ANO3: variants seen among roughly 807,000 people sequenced by gnomAD.
The protein encoded by ANO3 is anoctamin 3, also known as anoctamin-3.
Under a neutral mutation model 144.8 loss-of-function variants are expected in ANO3, and 99 were observed. The ratio of observed to expected loss-of-function variants is 0.68; its 90% CI spans 0.58 to 0.81. The LOEUF is 0.81. Ranked by LOEUF, ANO3 falls within the 30% of genes least tolerant of loss-of-function variation. The pLI, the probability that ANO3 is intolerant of heterozygous loss-of-function variation, is 0.00. For synonymous variants in ANO3, 414 were observed against 392.6 expected, an observed-to-expected ratio of 1.05 and a Z score of -0.64; for missense variants, 905 against 1,202.2, an observed-to-expected ratio of 0.75 and a Z score of 3.66.
chr11:26,388,820 A>G (rs916600582), intron 1 of ANO3, among the ~76,000 whole-genome samples: 3 of 152,162 alleles, frequency 2.0e-5, no homozygotes. Flanking sequence ...ATAAATAAAC[A>G]TATACATGTT....
intron 21 of ANO3, among the ~76,000 whole-genome samples, chr11:26,639,722 A>G (rs1853084715): frequency 6.6e-6 from 1 of 152,224 alleles, no homozygotes; most frequent in South Asian, 2.1e-4. Flanking sequence ...ATGTTAGAAC[A>G]GGGATGATTG....
intron 1 of ANO3, among the ~76,000 whole-genome samples, chr11:26,429,636 C>T (rs1858022261): frequency 6.6e-6 from 1 of 152,096 alleles, no homozygotes; most frequent in African/African-American, 2.4e-5. Flanking sequence ...GTAAAACCCA[C>T]TCTGTGCTGT....
intron 1 of ANO3, among the ~76,000 whole-genome samples, chr11:26,291,547 C>T (rs1162590952): frequency 2.0e-5 from 3 of 152,082 alleles, no homozygotes; most frequent in East Asian, 1.9e-4. Flanking sequence ...TGGCTGGTAC[C>T]GGTTGTTCCT....
At chr11:26,339,388 A>C (rs908623016) in intron 1 of ANO3, among the ~76,000 whole-genome samples, 7 of 152,114 alleles carry the variant, frequency 4.6e-5, no homozygotes, top group Non-Finnish European at 1.0e-4. Context: ...CTCCTGACCC[A>C]GGCGATCCGC....
At chr11:26,610,106 T>C (rs1179053119) in intron 17 of ANO3, among the ~76,000 whole-genome samples, 1 of 151,952 alleles carries the variant, frequency 6.6e-6, no homozygotes, top group East Asian at 1.9e-4. Context: ...AGGCGGGGTT[T>C]CTCCATGTTG....
intron 1 of ANO3, among the ~76,000 whole-genome samples, chr11:26,397,371 T>C (rs1461384): frequency 0.26 from 40,157 of 151,974 alleles, 5,948 homozygotes; most frequent in African/African-American, 0.4. Context: ...TATTTTTAGC[T>C]TGCTTTCCTC....
At chr11:26,216,662 A>C (rs1438420936) in intron 1 of ANO3, among the ~76,000 whole-genome samples, 1 of 151,970 alleles carries the variant, frequency 6.6e-6, no homozygotes, top group Non-Finnish European at 1.5e-5. Context: ...TTGTATAGTA[A>C]AATTATGCTT....
rs900007841 is a variant in ANO3, at chr11:26,369,014, A to T, written c.46+36693A>T. ...CTACAGTCATGTCATAGGCAATTTC[A>T]TTCCCCCCCAGCAGTTGACAAGGTC... On this transcript the variant is annotated intron_variant, in intron 1 of 26. Coordinates refer to ENST00000256737, the MANE Select transcript of ANO3 (RefSeq NM_031418.4). 2.0e-5 allele frequency among the ~76,000 whole-genome samples: 3 copies of T among 152,218 alleles called. No individual in the cohort carries two copies. The South Asian group carries it at 6.2e-4, about 31-fold the overall frequency.
At chr11:26,448,020 C>T (rs1444369897) in intron 3 of ANO3, among the ~76,000 whole-genome samples, 10 of 152,176 alleles carry the variant, frequency 6.6e-5, no homozygotes, top group Non-Finnish European at 1.5e-4. Flanking sequence ...TATTTTAGGG[C>T]CGGGTGCAGT....
At chr11:26,227,834 A>C (rs575282803) in intron 1 of ANO3, among the ~76,000 whole-genome samples, 82 of 152,204 alleles carry the variant, frequency 5.4e-4, no homozygotes, top group Non-Finnish European at 1.1e-3. Flanking sequence ...CTTGATATAT[A>C]CAATAATAAA....
At position 26,442,052 on chromosome 11, in the gene ANO3, G is replaced by C. The variant is rs748148669; in HGVS notation, c.181G>C (p.Glu61Gln). The change falls in exon 2 of 27, where the codon GAG (glutamate) becomes CAG (glutamine). Residue 61 changes from glutamate to glutamine, a missense_variant. Physicochemically the swap from Glu to Gln is conservative, Grantham distance 29. Transcript: ENST00000256737. ...GTCTACTTCCCTCTTCCAGTCAACCGAGAGTGAATCTCAGGCTCCCACATC... is the reference window on the plus strand; with the variant it reads ...GTCTACTTCCCTCTTCCAGTCAACCCAGAGTGAATCTCAGGCTCCCACATC... ...SQSTSLFQST[E>Q]SESQAPTSIT... 3.7e-6 allele frequency: 6 copies of C among 1,614,120 alleles called. No homozygotes were observed. Among genetic ancestry groups the C allele is most frequent in the Non-Finnish European group, 5.1e-6 (6 of 1,180,030 alleles).
intron 1 of ANO3, chr11:26,208,226 A>G (rs4459249): frequency 0.3 from 45,902 of 152,038 alleles, 7,628 homozygotes; most frequent in Non-Finnish European, 0.37. Context: ...AAGAATTGGG[A>G]GTGGGCCGGG....
At chr11:26,238,872 A>G (rs1852592188) in intron 1 of ANO3, among the ~76,000 whole-genome samples, 1 of 151,958 alleles carries the variant, frequency 6.6e-6, no homozygotes, top group South Asian at 2.1e-4. Context: ...TTGGATAGTT[A>G]AGCTGTTTCA....
intron 1 of ANO3, among the ~76,000 whole-genome samples, chr11:26,270,612 T>C (rs999170208): frequency 6.6e-6 from 1 of 152,214 alleles, no homozygotes; most frequent in African/African-American, 2.4e-5. Flanking sequence ...GCTCAGAAAT[T>C]AGGTCTTTTA....
chr11:26,386,694 A>T (rs9943489), intron 1 of ANO3, among the ~76,000 whole-genome samples: 40,399 of 152,024 alleles, frequency 0.27, 6,024 homozygotes, highest in African/African-American at 0.4. Context: ...TTTATCCTAT[A>T]GAATGTAAGG....
At chr11:26,233,916 G>C (rs1165224166) in intron 1 of ANO3, among the ~76,000 whole-genome samples, 1 of 152,086 alleles carries the variant, frequency 6.6e-6, no homozygotes, top group Non-Finnish European at 1.5e-5. Flanking sequence ...CACAGGGAGG[G>C]GAACATTACA....
intron 1 of ANO3, among the ~76,000 whole-genome samples, chr11:26,311,625 T>C (rs1239070103): frequency 6.6e-6 from 1 of 152,232 alleles, no homozygotes; most frequent in Admixed American, 6.5e-5. Flanking sequence ...TAGGCAGCTC[T>C]AAGTTGACTT....
chr11:26,274,324 T>C (rs1853512495), intron 1 of ANO3, among the ~76,000 whole-genome samples: 1 of 152,158 alleles, frequency 6.6e-6, no homozygotes, highest in Non-Finnish European at 1.5e-5. Context: ...CAATCTGCTC[T>C]ATCTACCACC....
intron 1 of ANO3, among the ~76,000 whole-genome samples, chr11:26,363,822 C>T (rs868770736): frequency 1.0e-4 from 11 of 105,974 alleles, no homozygotes; most frequent in African/African-American, 3.1e-4. Context: ...TTCCCTAATA[C>T]ATACTGCAAA....
Sources: allele counts gnomAD v4.1 joint callset (sites outside exome capture counted in the v4.1 genomes callset), GRCh38; gene constraint gnomAD v4.1.1; transcripts MANE v1.5; gene names NCBI Gene and HGNC (gene_info 2026-07-23, HGNC 2026-07-21).